N4BP2: variants seen among roughly 807,000 people sequenced by gnomAD.
N4BP2 encodes NEDD4-binding protein 2.
A neutral mutation model predicts 152.8 loss-of-function variants in N4BP2; 91 were observed. That is an observed-to-expected ratio of 0.60 (90% CI 0.50 to 0.71). The LOEUF is 0.71. Ranked by LOEUF, N4BP2 falls within the 30% of genes least tolerant of loss-of-function variation. The pLI is 0.00. For synonymous variants in N4BP2, 646 were observed against 705.3 expected, an observed-to-expected ratio of 0.92 and a Z score of 1.33; for missense variants, 1,923 against 2,059.1, an observed-to-expected ratio of 0.93 and a Z score of 1.28.
intron 2 of N4BP2, among the ~76,000 whole-genome samples, chr4:40,088,617 C>T (rs1183678457): frequency 6.6e-6 from 1 of 151,920 alleles, no homozygotes; most frequent in Non-Finnish European, 1.5e-5. Flanking sequence ...TCTCCTGCCT[C>T]AGCCTCCCGA....
chr4:40,176,530 A>C, the N4BP2 span, among the ~76,000 whole-genome samples: 2 of 152,172 alleles, frequency 1.3e-5, no homozygotes, highest in South Asian at 4.1e-4. Flanking sequence ...TGATTCTGAT[A>C]AGCATGCCTC....
the N4BP2 span, among the ~76,000 whole-genome samples, chr4:40,179,324 C>T: frequency 2.0e-5 from 3 of 152,044 alleles, no homozygotes; most frequent in African/African-American, 4.8e-5. Context: ...GAGCCAAGAT[C>T]GAGCCACTGC....
chr4:40,081,218 TA>T (rs1368539502), intron 2 of N4BP2, among the ~76,000 whole-genome samples: 2 of 152,170 alleles, frequency 1.3e-5, no homozygotes, highest in Non-Finnish European at 2.9e-5. Context: ...AAAAATATAT[TA>T]AAAAAATCAC....
At chr4:40,057,773 G>T (rs1560561144) in intron 1 of N4BP2, among the ~76,000 whole-genome samples, 2 of 150,184 alleles carry the variant, frequency 1.3e-5, no homozygotes, top group South Asian at 2.1e-4. Flanking sequence ...GGTTAAAATA[G>T]TTTTTTTTTT....
At chr4:40,189,996 CT>C in the N4BP2 span, among the ~76,000 whole-genome samples, 1 of 152,046 alleles carries the variant, frequency 6.6e-6, no homozygotes, top group Non-Finnish European at 1.5e-5. The surrounding 1 kb of genome is among the most constrained non-coding windows in gnomAD (Gnocchi z 4.3). Context: ...TTTTAAAAGA[CT>C]TTACATTTTT....
the N4BP2 span, among the ~76,000 whole-genome samples, chr4:40,165,041 A>G: frequency 6.6e-6 from 1 of 152,114 alleles, no homozygotes; most frequent in Non-Finnish European, 1.5e-5. Context: ...TTTTTCAAAA[A>G]TAATTTTTGG....
chr4:40,108,993 T>A (rs930398184), intron 5 of N4BP2, among the ~76,000 whole-genome samples: 13 of 151,850 alleles, frequency 8.6e-5, no homozygotes, highest in Non-Finnish European at 1.6e-4. Context: ...GTTTTTGTAT[T>A]TTTAGTAGAG....
chr4:40,144,751 G>A lies in N4BP2; in HGVS notation c.5094G>A (p.Val1698=). Residue 1698 remains valine, a synonymous_variant, in exon 16 of 18, where the codon GTG becomes GTA. Transcript: ENST00000261435. ...TTTTAGACCTCCATGGGCTGCATGT[G>A]GATGAAGCTCTAGAACATTTGATGA... is the stretch of plus-strand genomic sequence containing the variant. ...QNVLDLHGLH[V]DEALEHLMRV... The A allele has an allele frequency of 1.2e-5, 20 of 1,613,834 alleles. No individual in the cohort carries two copies. The highest frequency in any genetic ancestry group is 1.7e-5 in the Non-Finnish European group (20 of 1,179,890).
At chr4:40,141,869 C>T (rs1402078457) in intron 14 of N4BP2, among the ~76,000 whole-genome samples, 1 of 152,194 alleles carries the variant, frequency 6.6e-6, no homozygotes, top group Non-Finnish European at 1.5e-5. Context: ...GCGGATCACT[C>T]GCGGTTAGGA....
chr4:40,126,831 C>T (rs1718454635), intron 12 of N4BP2, among the ~76,000 whole-genome samples: 1 of 151,460 alleles, frequency 6.6e-6, no homozygotes, highest in South Asian at 2.1e-4. Context: ...AATCTTGGCT[C>T]ACTGCAACCT....
chr4:40,164,980 G>C, the N4BP2 span, among the ~76,000 whole-genome samples: 1 of 151,978 alleles, frequency 6.6e-6, no homozygotes, highest in East Asian at 1.9e-4. Context: ...TAAGCTCTGG[G>C]CTACGTTTTT....
intron 2 of N4BP2, among the ~76,000 whole-genome samples, chr4:40,075,728 T>G (rs772887130): frequency 2.0e-5 from 3 of 152,146 alleles, no homozygotes; most frequent in Non-Finnish European, 2.9e-5. Context: ...CACCAACTTT[T>G]TTTTATTACT....
the N4BP2 span, among the ~76,000 whole-genome samples, chr4:40,185,043 TG>T: frequency 6.6e-6 from 1 of 152,196 alleles, no homozygotes; most frequent in Non-Finnish European, 1.5e-5. Context: ...GCTTACTCTT[TG>T]TAATAATAAA....
At chr4:40,165,545 A>G in the N4BP2 span, among the ~76,000 whole-genome samples, 1 of 152,104 alleles carries the variant, frequency 6.6e-6, no homozygotes, top group Admixed American at 6.6e-5. Flanking sequence ...CACTGTCTCT[A>G]CTTTTAAGAG....
intron 5 of N4BP2, among the ~76,000 whole-genome samples, chr4:40,111,733 A>T (rs1716903911): frequency 6.6e-6 from 1 of 152,162 alleles, no homozygotes; most frequent in Non-Finnish European, 1.5e-5. Context: ...CTCTTACCTC[A>T]GCCTCCTGAG....
intron 2 of N4BP2, among the ~76,000 whole-genome samples, chr4:40,086,744 A>G (rs1714006902): frequency 6.6e-6 from 1 of 151,986 alleles, no homozygotes. Context: ...TAGATTTAAA[A>G]AAATTATTTA....
chr4:40,144,379 TC>T (rs1187417415), intron 15 of N4BP2, among the ~76,000 whole-genome samples: 1 of 152,198 alleles, frequency 6.6e-6, no homozygotes, highest in Non-Finnish European at 1.5e-5. Flanking sequence ...TAGTTAAGTT[TC>T]CCACTTTTAC....
At chr4:40,104,381 G>A (rs1286238663) in intron 4 of N4BP2, among the ~76,000 whole-genome samples, 3 of 150,104 alleles carry the variant, frequency 2.0e-5, no homozygotes, top group African/African-American at 7.4e-5. Context: ...TAGATAACTG[G>A]AGAATGTCCT....
At chr4:40,127,047 C>A (rs1718471092) in intron 12 of N4BP2, among the ~76,000 whole-genome samples, 1 of 151,918 alleles carries the variant, frequency 6.6e-6, no homozygotes, top group South Asian at 2.1e-4. Flanking sequence ...GCATGAGCCA[C>A]CATGCCCACG....
Sources: allele counts gnomAD v4.1 joint callset (sites outside exome capture counted in the v4.1 genomes callset), GRCh38; gene constraint gnomAD v4.1.1; non-coding constraint Gnocchi (gnomAD v3.1); transcripts MANE v1.5; gene names NCBI Gene and HGNC (gene_info 2026-07-23, HGNC 2026-07-21).